PIGL: variants seen among roughly 807,000 people sequenced by gnomAD.
PIGL encodes the protein N-acetylglucosaminyl-phosphatidylinositol de-N-acetylase.
In PIGL, 22 loss-of-function variants were observed where a neutral mutation model predicts 31.1. The ratio of observed to expected loss-of-function variants is 0.71; its 90% CI spans 0.51 to 1.01. The LOEUF is 1.01. PIGL is among the 50% of genes least tolerant of loss of function. PIGL has a pLI of 0.00. For synonymous variants in PIGL, 131 were observed against 117.4 expected (o/e 1.12, Z -0.75); for missense variants, 302 against 315.9 (o/e 0.96, Z 0.33).
At position 16,270,883 on chromosome 17, in the gene PIGL, A is replaced by G. The variant is rs564581067; in HGVS notation, c.336-29005A>G. Reference sequence around the variant, plus strand: ...ATTCCAGCCTGTGCGACAGAGCGAGACTGTCTCAAAAAAAAAAAAAGAGAA... The same window carrying G: ...ATTCCAGCCTGTGCGACAGAGCGAGGCTGTCTCAAAAAAAAAAAAAGAGAA... On this transcript the variant is annotated intron_variant, in intron 2 of 6. Transcript: ENST00000225609. 1.3e-3 allele frequency among the ~76,000 whole-genome samples: 171 copies of G among 129,280 alleles called. 4 individuals carry two copies. In the South Asian group the frequency reaches 0.018, roughly 13 times the overall value. The allele number at this position is 129,280 out of a possible 152,430, so 84.8% of individuals were successfully genotyped here.
At chr17:16,322,425 G>T (rs1274231494) in intron 6 of PIGL, among the ~76,000 whole-genome samples, 1 of 151,908 alleles carries the variant, frequency 6.6e-6, no homozygotes, top group Non-Finnish European at 1.5e-5. Flanking sequence ...TAACTTGAAA[G>T]GTTAGCTTTG....
At chr17:16,231,885 T>C (rs1182968482) in intron 1 of PIGL, among the ~76,000 whole-genome samples, 2 of 152,158 alleles carry the variant, frequency 1.3e-5, no homozygotes, top group Non-Finnish European at 2.9e-5. Flanking sequence ...AAATGTTGAG[T>C]TTTTTTATTT....
At chr17:16,227,582 T>TC (rs1326380261) in intron 1 of PIGL, among the ~76,000 whole-genome samples, 25 of 144,028 alleles carry the variant, frequency 1.7e-4, no homozygotes, top group Non-Finnish European at 2.7e-4. Context: ...TCTTTTCTTT[T>TC]TTTTTTTTTT....
At chr17:16,226,369 A>G (rs1286667050) in intron 1 of PIGL, among the ~76,000 whole-genome samples, 2 of 152,174 alleles carry the variant, frequency 1.3e-5, no homozygotes, top group African/African-American at 4.8e-5. Context: ...TGGTATATCC[A>G]TGTGACCTGG....
At chr17:16,255,068 A>G (rs2092788448) in intron 2 of PIGL, among the ~76,000 whole-genome samples, 1 of 152,228 alleles carries the variant, frequency 6.6e-6, no homozygotes, top group African/African-American at 2.4e-5. Flanking sequence ...AACTCGAATG[A>G]TGCCTAAGCT....
At chr17:16,223,904 T>C (rs1358131645) in intron 1 of PIGL, among the ~76,000 whole-genome samples, 1 of 151,910 alleles carries the variant, frequency 6.6e-6, no homozygotes, top group Non-Finnish European at 1.5e-5. Flanking sequence ...CAACCCTGTC[T>C]TAATTACTGT....
intron 3 of PIGL, 115 bp from the exon 4 acceptor site, chr17:16,313,432 C>A: frequency 1.3e-6 from 1 of 774,410 alleles, no homozygotes. Context: ...CAGATAGATG[C>A]TGCATTTGAA....
At chr17:16,236,819 T>C (rs2092701223) in intron 2 of PIGL, among the ~76,000 whole-genome samples, 2 of 152,206 alleles carry the variant, frequency 1.3e-5, no homozygotes, top group Admixed American at 1.3e-4. Flanking sequence ...CCTGCCTGCC[T>C]CAGCCTCCCA....
chr17:16,245,820 A>T (rs200022177), intron 2 of PIGL, among the ~76,000 whole-genome samples: 13,427 of 140,606 alleles, frequency 0.095, 1,484 homozygotes, highest in African/African-American at 0.29. Context: ...ATATATATAT[A>T]TTTTTTTTTG....
At chr17:16,290,017 C>G (rs2092953626) in intron 2 of PIGL, among the ~76,000 whole-genome samples, 1 of 152,038 alleles carries the variant, frequency 6.6e-6, no homozygotes, top group African/African-American at 2.4e-5. Flanking sequence ...CTCAGGTGAT[C>G]CGCCCACCTT....
chr17:16,314,570 A>G (rs2093067988), intron 4 of PIGL, among the ~76,000 whole-genome samples: 2 of 152,136 alleles, frequency 1.3e-5, no homozygotes, highest in African/African-American at 4.8e-5. Flanking sequence ...TTGGTGGAAG[A>G]TGCTAGAATT....
At chr17:16,304,644 A>G (rs2093019186) in intron 3 of PIGL, among the ~76,000 whole-genome samples, 1 of 152,192 alleles carries the variant, frequency 6.6e-6, no homozygotes, top group Non-Finnish European at 1.5e-5. Flanking sequence ...GTACAAAGCT[A>G]CCATCCTTGG....
chr17:16,309,175 C>T (rs2093038216), intron 3 of PIGL, among the ~76,000 whole-genome samples: 1 of 152,062 alleles, frequency 6.6e-6, no homozygotes, highest in South Asian at 2.1e-4. Context: ...TAGTGTCTTC[C>T]CAGCTACTTA....
intron 2 of PIGL, among the ~76,000 whole-genome samples, chr17:16,272,876 TCA>T (rs2092878449): frequency 1.3e-5 from 2 of 152,144 alleles, no homozygotes; most frequent in Non-Finnish European, 2.9e-5. Flanking sequence ...TCTATGATTC[TCA>T]GTGTTCGATG....
At chr17:16,310,581 G>C (rs949251460) in intron 3 of PIGL, among the ~76,000 whole-genome samples, 1 of 152,010 alleles carries the variant, frequency 6.6e-6, no homozygotes, top group Non-Finnish European at 1.5e-5. Context: ...TTGTCACCCA[G>C]GCTGGAGTCC....
In PIGL at chr17:16,217,295, C is replaced by T; in HGVS notation, c.69C>T (p.Asp23=). ...CATGGGGCTTCCTCTGGGTTTGGGA[C>T]TCCTCAGAACGAATGAAGAGTCGGG... ...VLAWGFLWVW[D]SSERMKSREQ... Residue 23 remains aspartate (D), a synonymous_variant, in exon 1 of 7, where the codon GAC becomes GAT. Transcript: ENST00000225609. 6.2e-7 allele frequency: 1 copy of T among 1,614,188 alleles called. No individual in the cohort carries two copies. Among genetic ancestry groups the T allele is most frequent in the Non-Finnish European group, 8.5e-7 (1 of 1,180,028 alleles).
At chr17:16,255,108 A>C (rs571446906) in intron 2 of PIGL, among the ~76,000 whole-genome samples, 5 of 152,148 alleles carry the variant, frequency 3.3e-5, no homozygotes, top group Non-Finnish European at 7.4e-5. Flanking sequence ...GTTTTTATTT[A>C]CGCAGAAATT....
At position 16,299,895 on chromosome 17, in the gene PIGL, C is replaced by T; in HGVS notation, c.343C>T (p.Pro115Ser). Residue 115 changes from proline (P) to serine (S), a missense_variant, in exon 3 of 7, where the codon CCA becomes TCA. By Grantham distance (74) the Pro-to-Ser change is moderately conservative. Transcript: ENST00000225609. ...TGTGCTTCTCTCTTGTAGGGATTTC[C>T]CAGATGACCCAGGCATGCAGTGGGA... ...SVMIIDNRDF[P>S]DDPGMQWDTE... 6.2e-7 allele frequency: 1 copy of T among 1,613,034 alleles called. No homozygotes were observed. Among genetic ancestry groups the T allele is most frequent in the South Asian group, 1.1e-5 (1 of 91,062 alleles).
At chr17:16,303,139 G>T (rs2093011884) in intron 3 of PIGL, among the ~76,000 whole-genome samples, 1 of 152,122 alleles carries the variant, frequency 6.6e-6, no homozygotes, top group African/African-American at 2.4e-5. Flanking sequence ...GTGATCTGTG[G>T]TCCAGGCACC....
Sources: allele counts gnomAD v4.1 joint callset (sites outside exome capture counted in the v4.1 genomes callset), GRCh38; gene constraint gnomAD v4.1.1; transcripts MANE v1.5; gene names NCBI Gene and HGNC (gene_info 2026-07-23, HGNC 2026-07-21).